Variants in RBM19 observed in about 807,000 individuals in gnomAD.
The protein encoded by RBM19 is probable RNA-binding protein 19.
Under a neutral mutation model 116.8 loss-of-function variants are expected in RBM19, and 94 were observed. That is an observed-to-expected ratio of 0.80 (90% CI 0.68 to 0.95). The LOEUF (loss-of-function observed/expected upper bound fraction) is 0.95. Ranked by LOEUF, RBM19 falls within the 40% of genes least tolerant of loss-of-function variation. The pLI, the probability that RBM19 is intolerant of heterozygous loss-of-function variation, is 0.00. For synonymous variants in RBM19, 475 were observed against 494.1 expected (o/e 0.96, Z 0.51); for missense variants, 1,161 against 1,220.7 (o/e 0.95, Z 0.73).
chr12:113,841,948 C>T (rs147114876), intron 23 of RBM19, among the ~76,000 whole-genome samples: 1 of 152,276 alleles, frequency 6.6e-6, no homozygotes, highest in East Asian at 1.9e-4. Context: ...AAACAGTAGT[C>T]GTCATAAATT....
chr12:113,919,119 C>T (rs1337532297), intron 19 of RBM19, among the ~76,000 whole-genome samples: 1 of 152,224 alleles, frequency 6.6e-6, no homozygotes, highest in Non-Finnish European at 1.5e-5. Context: ...TACACAGCCC[C>T]TGACCAGGAA....
At chr12:113,959,176 C>A in intron 5 of RBM19, 36 bp downstream of exon 5, 1 of 1,582,692 alleles carries the variant, frequency 6.3e-7, no homozygotes, top group South Asian at 1.1e-5. Flanking sequence ...AAGCACAGGT[C>A]CGTGCGCATG....
At chr12:113,891,192 A>C (rs1162283502) in intron 21 of RBM19, among the ~76,000 whole-genome samples, 1 of 152,144 alleles carries the variant, frequency 6.6e-6, no homozygotes, top group Admixed American at 6.5e-5. Context: ...CAGCAAGAGA[A>C]AAGAACCTTC....
chr12:113,947,525 T>C, intron 10 of RBM19, 61 bp from the exon 11 acceptor site: 2 of 1,534,398 alleles, frequency 1.3e-6, no homozygotes, highest in Admixed American at 1.8e-5. Context: ...CAGGGAAGAA[T>C]GTGGTGAGCA....
intron 12 of RBM19, 84 bp from the exon 13 acceptor site, chr12:113,946,008 G>A: frequency 3.9e-6 from 5 of 1,272,476 alleles, no homozygotes; most frequent in Non-Finnish European, 5.6e-6. Context: ...TGTAAGAAAT[G>A]GGCTCCTAGG....
chr12:113,826,538 C>T (rs537218613), intron 23 of RBM19, among the ~76,000 whole-genome samples: 4 of 152,330 alleles, frequency 2.6e-5, no homozygotes, highest in Admixed American at 1.3e-4. Context: ...CCTCACATGA[C>T]GGAGACACCT....
intron 19 of RBM19, among the ~76,000 whole-genome samples, chr12:113,919,242 G>C (rs1300120144): frequency 6.6e-6 from 1 of 152,202 alleles, no homozygotes; most frequent in Non-Finnish European, 1.5e-5. Context: ...CCATGCATCA[G>C]GATGCATCAT....
chr12:113,918,104 T>A (rs1593582885), intron 20 of RBM19, among the ~76,000 whole-genome samples: 1 of 151,912 alleles, frequency 6.6e-6, no homozygotes, highest in East Asian at 1.9e-4. Context: ...TTTGCCTGTT[T>A]CTCCTGCACT....
intron 22 of RBM19, among the ~76,000 whole-genome samples, chr12:113,852,884 T>C (rs1392026177): frequency 1.3e-5 from 2 of 152,240 alleles, no homozygotes; most frequent in Non-Finnish European, 2.9e-5. Flanking sequence ...ACAAACGTGT[T>C]GAACGCACGC....
At position 113,825,329 on chromosome 12, in the gene RBM19, GA is replaced by G. The variant is rs1488933287; in HGVS notation, c.2786-2009del. On this transcript the variant is annotated intron_variant, in intron 23 of 23. Transcript: ENST00000261741. The surrounding 1 kb of genome is among the most constrained non-coding windows in gnomAD (Gnocchi z 5.7). ...TGTTAATCATGAAAAGGGAGAGGGG[GA>G]CAGGGTGGGCTGGGGTGGTGGGGGC... Among the ~76,000 whole-genome samples, 1 of 144,524 alleles carries G rather than the reference GA, an allele frequency of 6.9e-6. No homozygotes were observed. Among genetic ancestry groups the G allele is most frequent in the Admixed American group, 6.8e-5 (1 of 14,668 alleles). 94.8% of individuals were successfully genotyped at this position (144,524 alleles called of 152,430 possible). A position where few individuals can be genotyped will look rare whatever the true frequency, so the allele number is the denominator to read the frequency against.
At chr12:113,909,820 C>T (rs1251054395) in intron 21 of RBM19, among the ~76,000 whole-genome samples, 3 of 152,198 alleles carry the variant, frequency 2.0e-5, no homozygotes, top group Non-Finnish European at 4.4e-5. Context: ...CAGAAGGAAA[C>T]ACAGTAATAA....
intron 23 of RBM19, among the ~76,000 whole-genome samples, chr12:113,835,102 C>T (rs1875759486): frequency 6.6e-6 from 1 of 152,286 alleles, no homozygotes; most frequent in East Asian, 1.9e-4. Flanking sequence ...CGACCGCACA[C>T]CTGGCTAAGT....
intron 18 of RBM19, 35 bp from the exon 19 acceptor site, chr12:113,920,725 G>A (rs146568369): frequency 6.3e-7 from 1 of 1,588,778 alleles, no homozygotes; most frequent in Non-Finnish European, 8.6e-7. Flanking sequence ...ACCAGTCGGT[G>A]AAGCGGAAGC....
At chr12:113,920,907 T>C (rs545207057) in intron 18 of RBM19, among the ~76,000 whole-genome samples, 1 of 152,284 alleles carries the variant, frequency 6.6e-6, no homozygotes. Context: ...CTGAGGCCCA[T>C]TTGACTATTA....
intron 8 of RBM19, among the ~76,000 whole-genome samples, chr12:113,950,736 T>A (rs950490900): frequency 6.6e-6 from 1 of 152,186 alleles, no homozygotes. Context: ...GGCACTCGGC[T>A]AATAGCTGGC....
At chr12:113,959,175 T>A in intron 5 of RBM19, 37 bp downstream of exon 5, 1 of 1,581,654 alleles carries the variant, frequency 6.3e-7, no homozygotes, top group South Asian at 1.1e-5. Context: ...CAAGCACAGG[T>A]CCGTGCGCAT....
chr12:113,821,081 G>A (rs1874383403), downstream of RBM19, among the ~76,000 whole-genome samples: 1 of 152,172 alleles, frequency 6.6e-6, no homozygotes, highest in South Asian at 2.1e-4. Context: ...TGAGGAGACT[G>A]AGGACTCAGC....
chr12:113,883,112 C>CA (rs1464410439), intron 21 of RBM19, among the ~76,000 whole-genome samples: 1 of 152,104 alleles, frequency 6.6e-6, no homozygotes, highest in Non-Finnish European at 1.5e-5. Context: ...GGAGAAAAAA[C>CA]AGAGAGATAA....
In RBM19 at chr12:113,920,644, C is replaced by T. The variant is rs79120696; in HGVS notation, c.2352G>A (p.Pro784=). The change falls in exon 19 of 24, where the codon CCG becomes CCA. Residue 784 remains proline (P), a synonymous_variant. Coordinates refer to ENST00000261741, the MANE Select transcript of RBM19 (RefSeq NM_016196.4). ...GCTTGAGAGCTTTCTGGGCTTGCTC[C>T]GGCTTCCTGTATTCCACAAATCCAA... ...MGFGFVEYRK[P]EQAQKALKQL... The T allele has an allele frequency of 0.014, 21,950 of 1,614,008 alleles. 2,486 individuals carry two copies. The African/African-American group carries it at 0.25, about 19-fold the overall frequency.
Sources: gnomAD v4.1 joint callset for allele counts (sites outside exome capture counted in the v4.1 genomes callset) on GRCh38, gnomAD v4.1.1 for gene constraint, Gnocchi (gnomAD v3.1) non-coding constraint, MANE v1.5 for transcripts, NCBI Gene and HGNC (gene_info 2026-07-23, HGNC 2026-07-21) for gene names.